GALNT14: variants seen among roughly 807,000 people sequenced by gnomAD.
The protein encoded by GALNT14 is UDP-GalNAc:polypeptide N-acetylgalactosaminyltransferase 14.
In GALNT14, 60 loss-of-function variants were observed where a neutral mutation model predicts 77.5. That is an observed-to-expected ratio of 0.77 (90% CI 0.63 to 0.96). The LOEUF is 0.96. GALNT14 is among the 40% of genes least tolerant of loss of function. GALNT14 has a pLI of 0.00. For synonymous variants in GALNT14, 280 were observed against 281.7 expected, an observed-to-expected ratio of 0.99 and a Z score of 0.06; for missense variants, 710 against 731.0, an observed-to-expected ratio of 0.97 and a Z score of 0.33.
At chr2:30,931,923 G>T (rs1665752792) in intron 10 of GALNT14, 145 bp downstream of exon 10, 1 of 714,080 alleles carries the variant, frequency 1.4e-6, no homozygotes, top group Non-Finnish European at 2.0e-6. Context: ...GCAGAGTCTG[G>T]GTAGTACGAG....
At chr2:30,994,268 G>A (rs1344118860) in intron 1 of GALNT14, among the ~76,000 whole-genome samples, 1 of 152,154 alleles carries the variant, frequency 6.6e-6, no homozygotes. Context: ...TAAGGGCACT[G>A]AGCTGAGAGC....
chr2:30,894,485 C>T, the GALNT14 span, among the ~76,000 whole-genome samples: 2 of 152,014 alleles, frequency 1.3e-5, no homozygotes, highest in Admixed American at 1.3e-4. Context: ...GAATTCAAGG[C>T]AATATAGTTG....
chr2:31,125,140 C>A (rs551698383), intron 1 of GALNT14: 16 of 1,536,830 alleles, frequency 1.0e-5, no homozygotes, highest in Non-Finnish European at 1.2e-5. Context: ...CCTGGGGACA[C>A]ACAGTCAACC....
intron 13 of GALNT14, 96 bp from the exon 14 acceptor site, chr2:30,912,438 G>A (rs1664425216): frequency 7.1e-7 from 1 of 1,407,002 alleles, no homozygotes; most frequent in South Asian, 1.4e-5. Flanking sequence ...GCACAGGCTG[G>A]TAAGAAGCAC....
rs532219101 is a variant in GALNT14 at position 31,103,395 on chromosome 2, G to T, written c.129+34563C>A. 3.3e-5 allele frequency among the ~76,000 whole-genome samples: 5 copies of T among 152,120 alleles called. No homozygotes were observed. The East Asian group carries it at 9.7e-4, about 29-fold the overall frequency. On this transcript the variant is annotated intron_variant, in intron 1 of 14. Coordinates refer to ENST00000349752, the MANE Select transcript of GALNT14 (RefSeq NM_024572.4). Reference sequence around the variant, plus strand: ...ACAGAAGCATAGAAAAGGCATGATTGGGGTGGAGAGAGAAAGAGACGTACA... The same window carrying T: ...ACAGAAGCATAGAAAAGGCATGATTTGGGTGGAGAGAGAAAGAGACGTACA...
intron 2 of GALNT14, among the ~76,000 whole-genome samples, chr2:30,982,416 G>A (rs952650885): frequency 6.6e-5 from 10 of 152,168 alleles, no homozygotes; most frequent in African/African-American, 2.4e-4. Context: ...AACCCCAAAT[G>A]AGCACTGATA....
At chr2:31,037,639 C>G (rs901576103) in intron 1 of GALNT14, among the ~76,000 whole-genome samples, 17 of 151,912 alleles carry the variant, frequency 1.1e-4, no homozygotes, top group African/African-American at 3.6e-4. Context: ...GAAATCTTTC[C>G]CCAGGGTGTG....
chr2:31,077,637 T>G (rs1675883998), intron 1 of GALNT14, among the ~76,000 whole-genome samples: 1 of 152,232 alleles, frequency 6.6e-6, no homozygotes, highest in Admixed American at 6.5e-5. Context: ...CATTCAATAA[T>G]GACATTGAAA....
At position 30,944,849 on chromosome 2, in the gene GALNT14, C is replaced by T; in HGVS notation, c.827+9G>A. The T allele has an allele frequency of 6.3e-7, 1 of 1,596,300 alleles. No individual in the cohort carries two copies. The highest frequency in any genetic ancestry group is 8.6e-7 in the Non-Finnish European group (1 of 1,168,502). ...TCTGCCCACCCCTGCACAGACTCTT[C>T]CCACTTACCTGATGGGCTCCGTGGG... On this transcript the variant is annotated intron_variant, in intron 8 of 14. Transcript: ENST00000349752.
intron 1 of GALNT14, among the ~76,000 whole-genome samples, chr2:31,031,295 T>C (rs1672395623): frequency 6.6e-6 from 1 of 151,938 alleles, no homozygotes; most frequent in Admixed American, 6.6e-5. Flanking sequence ...CTCTCTATCC[T>C]AACAAAACTT....
intron 1 of GALNT14, among the ~76,000 whole-genome samples, chr2:31,062,027 G>A (rs1253905851): frequency 6.6e-6 from 1 of 152,216 alleles, no homozygotes; most frequent in Non-Finnish European, 1.5e-5. Flanking sequence ...TGTGGTTGTT[G>A]TTTTTGGAAT....
the GALNT14 span, among the ~76,000 whole-genome samples, chr2:30,892,754 C>T: frequency 6.6e-6 from 1 of 152,184 alleles, no homozygotes; most frequent in East Asian, 1.9e-4. Flanking sequence ...TCTGTACAAA[C>T]AATGCTGATA....
rs754957016 is a variant in GALNT14 at position 31,138,090 on chromosome 2, C to G, written c.-4G>C. ...GCCGACGAGTCAGGCGCCGCATGGT[C>G]CCCTTTGCCGCTTCCTCTCCGCGGC... On this transcript the variant is annotated 5_prime_UTR_variant, in exon 1 of 15. Coordinates refer to ENST00000349752, the MANE Select transcript of GALNT14 (RefSeq NM_024572.4). 44 of 1,613,520 alleles carry G rather than the reference C, an allele frequency of 2.7e-5. No individual in the cohort carries two copies. The Admixed American group carries it at 7.3e-4, about 27-fold the overall frequency.
chr2:31,006,881 G>A (rs943205531), intron 1 of GALNT14, among the ~76,000 whole-genome samples: 2 of 152,148 alleles, frequency 1.3e-5, no homozygotes, highest in Non-Finnish European at 2.9e-5. Flanking sequence ...TCTCTTCTAC[G>A]CCTGCTAGGG....
At chr2:30,894,503 G>C in the GALNT14 span, among the ~76,000 whole-genome samples, 1 of 152,190 alleles carries the variant, frequency 6.6e-6, no homozygotes, top group Non-Finnish European at 1.5e-5. Context: ...TTGGGCTGTT[G>C]AAGTTAGAAA....
intron 1 of GALNT14, among the ~76,000 whole-genome samples, chr2:31,116,291 T>C (rs1202063671): frequency 6.6e-6 from 1 of 152,172 alleles, no homozygotes; most frequent in African/African-American, 2.4e-5. Context: ...TTCAATTATA[T>C]CTACTATTTC....
intron 1 of GALNT14, among the ~76,000 whole-genome samples, chr2:31,024,025 T>C (rs1349022356): frequency 6.6e-6 from 1 of 152,196 alleles, no homozygotes; most frequent in Non-Finnish European, 1.5e-5. Context: ...GGTTTCCCTC[T>C]GGACCTGCTC....
At chr2:31,017,007 C>T (rs73923377) in intron 1 of GALNT14, among the ~76,000 whole-genome samples, 4,368 of 152,278 alleles carry the variant, frequency 0.029, 200 homozygotes, top group African/African-American at 0.1. Context: ...AAAAACCCTG[C>T]AAGGCAAATA....
intron 8 of GALNT14, among the ~76,000 whole-genome samples, chr2:30,942,858 C>T (rs1204232351): frequency 6.6e-6 from 1 of 152,128 alleles, no homozygotes; most frequent in African/African-American, 2.4e-5. Context: ...TGCTGGAGTC[C>T]TAACTCCCAG....
Sources: gnomAD v4.1 joint callset for allele counts (sites outside exome capture counted in the v4.1 genomes callset) on GRCh38, gnomAD v4.1.1 for gene constraint, MANE v1.5 for transcripts, NCBI Gene and HGNC (gene_info 2026-07-23, HGNC 2026-07-21) for gene names.